Variants in PLD2 observed in about 807,000 individuals in gnomAD.
PLD2 encodes phospholipase D2.
In PLD2, 101 loss-of-function variants were observed where a neutral mutation model predicts 119.8. That is an observed-to-expected ratio of 0.84 (90% CI 0.72 to 0.99). The LOEUF is 0.99. PLD2 is among the 50% of genes least tolerant of loss of function. The probability of loss-of-function intolerance (pLI) is 0.00; values close to 1 mark genes in which losing one functional copy is unlikely to be tolerated. For missense variants in PLD2, 1,164 were observed against 1,226.8 expected (o/e 0.95, Z 0.76); for synonymous variants, 494 against 482.8 (o/e 1.02, Z -0.30).
Position 4,822,539 on chromosome 17 carries a change from G to T in PLD2, c.2578-101G>T, listed in dbSNP as rs1597341923. ...GTTAGTGGCCCAGGGTCAACGGGGGGTATGGAGAGATGGTATGGGGGAAGG... is the reference window on the plus strand; with the variant it reads ...GTTAGTGGCCCAGGGTCAACGGGGGTTATGGAGAGATGGTATGGGGGAAGG... On this transcript the variant is annotated intron_variant, in intron 24 of 24. Transcript: ENST00000263088. 20 of 722,548 alleles carry T rather than the reference G, an allele frequency of 2.8e-5. No individual in the cohort carries two copies. In the East Asian group the frequency reaches 5.0e-4, roughly 18 times the overall value. The allele number at this position is 722,548 out of a possible 1,614,324, so 44.8% of individuals were successfully genotyped here. A position where few individuals can be genotyped will look rare whatever the true frequency, so the allele number is the denominator to read the frequency against.
At chr17:4,811,022 C>A in intron 10 of PLD2, 71 bp downstream of exon 10, 1 of 1,457,268 alleles carries the variant, frequency 6.9e-7, no homozygotes, top group Non-Finnish European at 9.3e-7. Context: ...CTGAGTCCTT[C>A]ATCCTCTCTT....
chr17:4,816,901 C>T, intron 15 of PLD2, 36 bp from the exon 16 acceptor site: 1 of 1,590,630 alleles, frequency 6.3e-7, no homozygotes, highest in Non-Finnish European at 8.6e-7. Flanking sequence ...GGAGTCCAGC[C>T]CTGACATCTC....
intron 10 of PLD2, among the ~76,000 whole-genome samples, chr17:4,812,296 T>TG (rs149325475): frequency 2.0e-4 from 10 of 50,666 alleles, no homozygotes; most frequent in Non-Finnish European, 2.7e-4. Flanking sequence ...TTTGTTTTGG[T>TG]TTTTTTTTTT....
In PLD2 at chr17:4,808,842, A is replaced by C. The variant is rs1906135887; in HGVS notation, c.384-258A>C. 6.6e-6 allele frequency among the ~76,000 whole-genome samples: 1 copy of C among 152,076 alleles called. No homozygotes were observed. Among genetic ancestry groups the C allele is most frequent in the African/African-American group, 2.4e-5 (1 of 41,406 alleles). Reference sequence around the variant, plus strand: ...CAGCCTCCAGAGTAGCTAGGACCACAGCCACCACACCCAACTAATTTTTGT... The same window carrying C: ...CAGCCTCCAGAGTAGCTAGGACCACCGCCACCACACCCAACTAATTTTTGT... On this transcript the variant is annotated intron_variant, in intron 4 of 24. Transcript: ENST00000263088. This position sits in a 1 kb window ranked among gnomAD's most constrained non-coding sequence, Gnocchi z 4.1.
chr17:4,809,774 G>A lies in PLD2; in HGVS notation c.698G>A (p.Trp233Ter), dbSNP rs1248225769. Residue 233 changes from tryptophan to a stop codon, truncating the protein, a stop_gained, in exon 8 of 25, where the codon TGG becomes TAG. Coordinates refer to ENST00000263088, the MANE Select transcript of PLD2 (RefSeq NM_002663.5). LOFTEE classifies it high-confidence loss of function. ...GGCCGAGACCAAGTTTGTTATCGCTGGTCCAAGAGGTACGGGCTATGGCCA... is the reference window on the plus strand; with the variant it reads ...GGCCGAGACCAAGTTTGTTATCGCTAGTCCAAGAGGTACGGGCTATGGCCA... ...CCGRDQVCYR[W>*]SKRWLVVKDS... The A allele has an allele frequency of 1.2e-6, 2 of 1,614,180 alleles. No homozygotes were observed. The highest frequency in any genetic ancestry group is 3.3e-5 in the Admixed American group (2 of 60,004).
chr17:4,810,613 C>G (rs1463569835), intron 9 of PLD2, among the ~76,000 whole-genome samples, 189 bp from the exon 10 acceptor site: 3 of 151,904 alleles, frequency 2.0e-5, no homozygotes, highest in Non-Finnish European at 4.4e-5. Context: ...CCACTGCACT[C>G]CAGCCTGGGG....
chr17:4,819,332 G>A lies in PLD2; in HGVS notation c.2309-97G>A. ...GCTCGTGTAGGGGTGGAGGGTCCAA[G>A]AAGGAATGTTGCAGGCCAGTGCTTT... On this transcript the variant is annotated intron_variant, in intron 22 of 24. Transcript: ENST00000263088. The surrounding 1 kb of genome is among the most constrained non-coding windows in gnomAD (Gnocchi z 4.2). 1.9e-6 allele frequency: 3 copies of A among 1,600,008 alleles called. No individual in the cohort carries two copies. The highest frequency in any genetic ancestry group is 2.6e-6 in the Non-Finnish European group (3 of 1,171,246).
In PLD2 at chr17:4,822,647, G is replaced by A. The variant is rs199694422; in HGVS notation, c.2585G>A (p.Arg862His). ...SNANIYEQIFRCLPSNATRSL... is the reference protein window; with the variant it reads ...SNANIYEQIFHCLPSNATRSL... ...CCATGCCCCCGCCCACAGATCTTCC[G>A]CTGCCTGCCATCCAATGCCACGCGT... The change falls in exon 25 of 25, where the codon CGC (arginine) becomes CAC (histidine). Residue 862 changes from arginine to histidine, a missense_variant. Arg to His is a conservative substitution (Grantham distance 29). Transcript: ENST00000263088. 18 of 1,603,878 alleles carry A rather than the reference G, an allele frequency of 1.1e-5. No homozygotes were observed. Among genetic ancestry groups the A allele is most frequent in the Admixed American group, 3.3e-5 (2 of 59,806 alleles).
chr17:4,813,685 C>T (rs969818013), intron 10 of PLD2, among the ~76,000 whole-genome samples: 3 of 151,754 alleles, frequency 2.0e-5, no homozygotes, highest in Admixed American at 6.6e-5. Context: ...ATGGCAAAAA[C>T]CCGTCTCTAC....
rs539008794 is a variant in PLD2, at chr17:4,818,394, G to C, written c.2009+9G>C. The stretch of plus-strand genomic sequence containing the variant: ...ATCCTGAAGGCCCACAAGTAAGGTG[G>C]ACTGTCAGGAAGGTGGGGACTGTGG... On this transcript the variant is annotated intron_variant, in intron 19 of 24. Coordinates refer to ENST00000263088, the MANE Select transcript of PLD2 (RefSeq NM_002663.5). 2 of 1,613,804 alleles carry C rather than the reference G, an allele frequency of 1.2e-6. No individual in the cohort carries two copies. The highest frequency in any genetic ancestry group is 2.2e-5 in the South Asian group (2 of 91,074).
Position 4,818,514 on chromosome 17 carries a change from T to A in PLD2, c.2030T>A (p.Val677Asp), listed in dbSNP as rs1467474016. Residue 677 changes from valine to aspartate, a missense_variant, in exon 20 of 25, where the codon GTC (valine) becomes GAC (aspartate). Val to Asp is a radical substitution (Grantham distance 152, BLOSUM62 -3). Transcript: ENST00000263088. ...CCCAGACAGGGGTGGTGTTACCGAGTCTACGTGCTTTTGCCCTTACTCCCT... is the reference window on the plus strand; with the variant it reads ...CCCAGACAGGGGTGGTGTTACCGAGACTACGTGCTTTTGCCCTTACTCCCT... ...KAHKQGWCYRVYVLLPLLPGF... is the reference protein window; with the variant it reads ...KAHKQGWCYRDYVLLPLLPGF... 3 of 1,613,726 alleles carry A rather than the reference T, an allele frequency of 1.9e-6. No homozygotes were observed. The highest frequency in any genetic ancestry group is 3.3e-5 in the Admixed American group (2 of 59,994).
chr17:4,814,779 C>A, intron 12 of PLD2, 68 bp downstream of exon 12: 1 of 1,389,724 alleles, frequency 7.2e-7, no homozygotes, highest in Non-Finnish European at 1.0e-6. Flanking sequence ...AGCAGGGCTG[C>A]AGTGTGGGAG....
Position 4,814,410 on chromosome 17 carries a change from C to A in PLD2, c.1011-8C>A. On this transcript the variant is annotated splice_polypyrimidine_tract_variant and splice_region_variant and intron_variant, in intron 10 of 24. Coordinates refer to ENST00000263088, the MANE Select transcript of PLD2 (RefSeq NM_002663.5). ...TCCCCTGACCTCCTTGGCTTGGCCT[C>A]CCCCCAGGTTTGTGAATGGGGCAGG... The A allele has an allele frequency of 6.2e-7, 1 of 1,605,344 alleles. No individual in the cohort carries two copies. Among genetic ancestry groups the A allele is most frequent in the Non-Finnish European group, 8.5e-7 (1 of 1,176,336 alleles).
At chr17:4,814,823 A>C in intron 12 of PLD2, 112 bp downstream of exon 12, 1 of 932,862 alleles carries the variant, frequency 1.1e-6, no homozygotes, top group Non-Finnish European at 1.7e-6. Context: ...GGGAGGGAAA[A>C]GTGTCCATCC....
Position 4,807,879 on chromosome 17 carries a change from C to G in PLD2, c.107C>G (p.Pro36Arg), listed in dbSNP as rs1250249433. 1.9e-6 allele frequency: 3 copies of G among 1,612,484 alleles called. No homozygotes were observed. In the Admixed American group the frequency reaches 5.0e-5, roughly 27 times the overall value. ...GACACCCTGAAGGAGGGAGAGGACCCAGGTACACAGGGAAGATGGATGGCC... is the reference window on the plus strand; with the variant it reads ...GACACCCTGAAGGAGGGAGAGGACCGAGGTACACAGGGAAGATGGATGGCC... ...EVDTLKEGED[P>R]ADRMHPFLAI... The change falls in exon 2 of 25, where the codon CCA becomes CGA. Residue 36 changes from proline to arginine, a missense_variant and splice_region_variant. Pro to Arg is a moderately radical substitution (Grantham distance 103). Coordinates refer to ENST00000263088, the MANE Select transcript of PLD2 (RefSeq NM_002663.5). This position sits in a 1 kb window ranked among gnomAD's most constrained non-coding sequence, Gnocchi z 5.4.
At chr17:4,809,041 A>T in intron 4 of PLD2, 59 bp from the exon 5 acceptor site, 1 of 1,338,640 alleles carries the variant, frequency 7.5e-7, no homozygotes, top group Non-Finnish European at 1.1e-6. Context: ...CAGTGTTTTC[A>T]GGAACCAGAG....
In PLD2 at chr17:4,822,646, C is replaced by T. The variant is rs752514430; in HGVS notation, c.2584C>T (p.Arg862Cys). The T allele has an allele frequency of 1.3e-5, 21 of 1,604,060 alleles. No individual in the cohort carries two copies. The Admixed American group carries it at 1.7e-4, about 13-fold the overall frequency. The part of the protein sequence containing the change: ...SNANIYEQIF[R>C]CLPSNATRSL... Reference sequence around the variant, plus strand: ...TCCATGCCCCCGCCCACAGATCTTCCGCTGCCTGCCATCCAATGCCACGCG... The same window carrying T: ...TCCATGCCCCCGCCCACAGATCTTCTGCTGCCTGCCATCCAATGCCACGCG... Residue 862 changes from arginine to cysteine, a missense_variant, in exon 25 of 25, where the codon CGC (arginine) becomes TGC (cysteine). Transcript: ENST00000263088.
At chr17:4,813,814 A>AT (rs1335046362) in intron 10 of PLD2, among the ~76,000 whole-genome samples, 2 of 152,174 alleles carry the variant, frequency 1.3e-5, no homozygotes, top group African/African-American at 4.8e-5. Context: ...AGCCAAGATC[A>AT]TGCCATTGCA....
At chr17:4,822,026 T>C in intron 24 of PLD2, 119 bp downstream of exon 24, 1 of 649,184 alleles carries the variant, frequency 1.5e-6, no homozygotes, top group Non-Finnish European at 2.7e-6. Flanking sequence ...GATGAGGGCC[T>C]GGGGACATTT....
Sources: gnomAD v4.1 joint callset for allele counts (sites outside exome capture counted in the v4.1 genomes callset) on GRCh38, gnomAD v4.1.1 for gene constraint, Gnocchi (gnomAD v3.1) non-coding constraint, MANE v1.5 for transcripts, NCBI Gene and HGNC (gene_info 2026-07-23, HGNC 2026-07-21) for gene names.